PRKD1: variants seen among roughly 807,000 people sequenced by gnomAD.
The protein encoded by PRKD1 is protein kinase D1.
In PRKD1, 63 loss-of-function variants were observed where a neutral mutation model predicts 95.9. That is an observed-to-expected ratio of 0.66 (90% CI 0.54 to 0.81). PRKD1 has a LOEUF of 0.81. Among genes scored for constraint, PRKD1 ranks in the 30% least tolerant of loss-of-function variants. PRKD1 has a pLI of 0.00. For synonymous variants in PRKD1, 425 were observed against 423.1 expected (o/e 1.00, Z -0.05); for missense variants, 1,048 against 1,165.3 (o/e 0.90, Z 1.47).
rs185704769 is a variant in PRKD1, at chr14:29,768,446, G to A, written c.265-42772C>T. On this transcript the variant is annotated intron_variant, in intron 1 of 17. Transcript: ENST00000331968. ...TAATATGTTTTGAAATTTTGTTACAGTTTGAGATTAAATTTACCATTCAGT... is the reference window on the plus strand; with the variant it reads ...TAATATGTTTTGAAATTTTGTTACAATTTGAGATTAAATTTACCATTCAGT... Among the ~76,000 whole-genome samples, 18 of 152,198 alleles carry A rather than the reference G, an allele frequency of 1.2e-4. No individual in the cohort carries two copies. The East Asian group carries it at 3.1e-3, about 26-fold the overall frequency.
chr14:29,625,677 G>T (rs1227072824), intron 12 of PRKD1, among the ~76,000 whole-genome samples: 1 of 152,034 alleles, frequency 6.6e-6, no homozygotes, highest in Non-Finnish European at 1.5e-5. Flanking sequence ...GAAATCACTG[G>T]AGCATTTTAT....
At chr14:29,898,502 A>T (rs1384651681) in intron 1 of PRKD1, among the ~76,000 whole-genome samples, 2 of 152,204 alleles carry the variant, frequency 1.3e-5, no homozygotes, top group Admixed American at 1.3e-4. Context: ...ATAAATTCCA[A>T]CATTATTCAA....
chr14:29,760,310 C>T lies in PRKD1; in HGVS notation c.265-34636G>A, dbSNP rs45526937. On this transcript the variant is annotated intron_variant, in intron 1 of 17. Coordinates refer to ENST00000331968, the MANE Select transcript of PRKD1 (RefSeq NM_002742.3). Reference sequence around the variant, plus strand: ...AGCGTCTGGATTTTGAATTCAATTTCAGATGACACCTAAGTCTCACTATCT... The same window carrying T: ...AGCGTCTGGATTTTGAATTCAATTTTAGATGACACCTAAGTCTCACTATCT... Among the ~76,000 whole-genome samples the T allele has an allele frequency of 8.6e-3, 1,291 of 150,120 alleles. 10 individuals carry two copies. Among genetic ancestry groups the T allele is most frequent in the Middle Eastern group, 0.024 (7 of 288 alleles).
At chr14:29,628,792 C>T (rs370435169) in intron 11 of PRKD1, among the ~76,000 whole-genome samples, 65 of 152,204 alleles carry the variant, frequency 4.3e-4, no homozygotes, top group African/African-American at 1.4e-3. Flanking sequence ...TGTGAGAAAT[C>T]AGGCATCACA....
At chr14:29,613,809 C>T (rs965007326) in intron 13 of PRKD1, among the ~76,000 whole-genome samples, 1 of 152,194 alleles carries the variant, frequency 6.6e-6, no homozygotes, top group Non-Finnish European at 1.5e-5. Context: ...CAGGCTTTGT[C>T]CCACTAAAGC....
chr14:29,673,125 T>C (rs758703182), intron 2 of PRKD1, among the ~76,000 whole-genome samples: 3 of 152,244 alleles, frequency 2.0e-5, no homozygotes, highest in Non-Finnish European at 2.9e-5. Context: ...GCCAGGAAGA[T>C]GTTGCTTGAA....
chr14:29,905,894 C>T (rs1037186357), intron 1 of PRKD1, among the ~76,000 whole-genome samples: 2 of 152,128 alleles, frequency 1.3e-5, no homozygotes, highest in South Asian at 4.1e-4. Context: ...GCTTATAACT[C>T]TCGAGAAAGT....
At chr14:29,741,696 G>C (rs1374036342) in intron 1 of PRKD1, among the ~76,000 whole-genome samples, 1 of 151,918 alleles carries the variant, frequency 6.6e-6, no homozygotes, top group African/African-American at 2.4e-5. Context: ...AGCTCCACAT[G>C]ATTTCTAATT....
intron 13 of PRKD1, among the ~76,000 whole-genome samples, chr14:29,614,561 T>G (rs1407493036): frequency 6.6e-6 from 1 of 152,290 alleles, no homozygotes; most frequent in African/African-American, 2.4e-5. Context: ...AGCATAAAGA[T>G]TTACAGAATA....
chr14:29,836,727 C>T (rs1016381164), intron 1 of PRKD1, among the ~76,000 whole-genome samples: 1 of 152,076 alleles, frequency 6.6e-6, no homozygotes. Context: ...AGAGGAAGAC[C>T]AGTCACATGA....
intron 1 of PRKD1, among the ~76,000 whole-genome samples, chr14:29,819,694 AATAAAATAAAATAAAATAAC>A (rs1890833625): frequency 1.3e-5 from 2 of 152,018 alleles, no homozygotes; most frequent in Non-Finnish European, 1.5e-5. Context: ...CGTCTCAAAA[AATAAAATAAAATAAAATAAC>A]ATAAAATAAA....
At chr14:29,662,744 C>A (rs1040648041) in intron 4 of PRKD1, among the ~76,000 whole-genome samples, 49 of 151,914 alleles carry the variant, frequency 3.2e-4, no homozygotes, top group African/African-American at 1.1e-3. Context: ...GAATTTGTTA[C>A]CACTCTCCAC....
intron 2 of PRKD1, among the ~76,000 whole-genome samples, chr14:29,696,107 T>C (rs1469994244): frequency 6.6e-6 from 1 of 152,200 alleles, no homozygotes; most frequent in Non-Finnish European, 1.5e-5. Flanking sequence ...CATTGCATTT[T>C]CAGCAAATCG....
chr14:29,644,575 G>C (rs1881003570), intron 4 of PRKD1, among the ~76,000 whole-genome samples: 1 of 150,786 alleles, frequency 6.6e-6, no homozygotes, highest in South Asian at 2.1e-4. Flanking sequence ...ACTTGATCTA[G>C]ATGTCAGCAA....
intron 1 of PRKD1, among the ~76,000 whole-genome samples, chr14:29,918,075 G>A (rs180743443): frequency 0.024 from 3,591 of 151,992 alleles, 150 homozygotes; most frequent in African/African-American, 0.082. Context: ...TTCAAAGCAG[G>A]AAATATATTG....
intron 1 of PRKD1, among the ~76,000 whole-genome samples, chr14:29,835,044 C>T (rs1486721783): frequency 6.6e-6 from 1 of 151,958 alleles, no homozygotes; most frequent in East Asian, 1.9e-4. Flanking sequence ...AGTTTACAAT[C>T]TGATGAATTA....
intron 1 of PRKD1, among the ~76,000 whole-genome samples, chr14:29,734,503 T>C (rs544903879): frequency 6.6e-6 from 1 of 152,312 alleles, no homozygotes; most frequent in East Asian, 1.9e-4. Context: ...TTAAGCTTTG[T>C]TAGGACAGCT....
chr14:29,599,331 A>G (rs543195679), intron 14 of PRKD1, among the ~76,000 whole-genome samples: 3 of 152,324 alleles, frequency 2.0e-5, no homozygotes, highest in South Asian at 2.1e-4. Context: ...AGCGGCCAAG[A>G]CAGATGTAGA....
chr14:29,651,666 G>A (rs1272130015), intron 4 of PRKD1, among the ~76,000 whole-genome samples: 1 of 147,760 alleles, frequency 6.8e-6, no homozygotes, highest in African/African-American at 2.5e-5. Context: ...TTTTTTTCCT[G>A]GGTAGCCACA....
Sources: allele counts gnomAD v4.1 joint callset (sites outside exome capture counted in the v4.1 genomes callset), GRCh38; gene constraint gnomAD v4.1.1; transcripts MANE v1.5; gene names NCBI Gene and HGNC (gene_info 2026-07-23, HGNC 2026-07-21).